IFT81: variants seen among roughly 807,000 people sequenced by gnomAD.
IFT81 encodes intraflagellar transport 81, also known as intraflagellar transport protein 81 homolog.
In IFT81, 72 loss-of-function variants were observed where a neutral mutation model predicts 102.6. The ratio of observed to expected loss-of-function variants is 0.70; its 90% CI spans 0.58 to 0.85. IFT81 has a LOEUF of 0.85. IFT81 is among the 40% of genes least tolerant of loss of function. The probability of loss-of-function intolerance (pLI) is 0.00; values close to 1 mark genes in which losing one functional copy is unlikely to be tolerated. For synonymous variants in IFT81, 237 were observed against 242.7 expected (o/e 0.98, Z 0.22); for missense variants, 723 against 787.3 (o/e 0.92, Z 0.98).
At chr12:110,160,312 C>T (rs956964847) in intron 10 of IFT81, among the ~76,000 whole-genome samples, 3 of 152,162 alleles carry the variant, frequency 2.0e-5, no homozygotes, top group African/African-American at 7.2e-5. Context: ...CCAAAAGCCT[C>T]AAAACCAGGG....
chr12:110,152,057 A>G (rs185741043), intron 10 of IFT81, among the ~76,000 whole-genome samples: 51 of 152,292 alleles, frequency 3.3e-4, no homozygotes, highest in African/African-American at 1.2e-3. Context: ...TCATTCACTG[A>G]TGGATACATG....
intron 10 of IFT81, among the ~76,000 whole-genome samples, chr12:110,158,164 G>T (rs1442659748): frequency 2.0e-5 from 3 of 151,980 alleles, no homozygotes; most frequent in Non-Finnish European, 4.4e-5. Flanking sequence ...TCCACCTCCT[G>T]GGTTCATGCA....
intron 8 of IFT81, among the ~76,000 whole-genome samples, chr12:110,140,920 T>A (rs762943801): frequency 9.3e-5 from 14 of 151,332 alleles, no homozygotes; most frequent in Non-Finnish European, 1.6e-4. Context: ...AGAGACGGGG[T>A]TTCTCCATGT....
chr12:110,216,615 A>G, intron 18 of IFT81: 1 of 450,426 alleles, frequency 2.2e-6, no homozygotes, highest in Non-Finnish European at 4.4e-6. Context: ...GGTTCAAGCA[A>G]TTCTCCTGCC....
At chr12:110,192,888 G>A in intron 14 of IFT81, among the ~76,000 whole-genome samples, 182 bp downstream of exon 14, 1 of 152,180 alleles carries the variant, frequency 6.6e-6, no homozygotes, top group African/African-American at 2.4e-5. Context: ...CAGGCCAGGT[G>A]TGGTGGCTTA....
intron 4 of IFT81, 24 bp downstream of exon 4, chr12:110,129,154 T>C: frequency 6.6e-7 from 1 of 1,516,296 alleles, no homozygotes; most frequent in Non-Finnish European, 8.9e-7. Flanking sequence ...AAATGGTACA[T>C]TGAAACTGTA....
intron 7 of IFT81, among the ~76,000 whole-genome samples, chr12:110,136,310 A>T (rs1894506843): frequency 6.6e-6 from 1 of 152,246 alleles, no homozygotes; most frequent in Admixed American, 6.5e-5. Flanking sequence ...ATTTACTACT[A>T]AATCAGCAGT....
intron 10 of IFT81, 34 bp downstream of exon 10, chr12:110,147,082 C>T: frequency 6.6e-7 from 1 of 1,517,596 alleles, no homozygotes. Flanking sequence ...ATATTTAGAT[C>T]TGTAAGCATA....
At chr12:110,159,583 G>A (rs1313774360) in intron 10 of IFT81, among the ~76,000 whole-genome samples, 1 of 152,148 alleles carries the variant, frequency 6.6e-6, no homozygotes, top group African/African-American at 2.4e-5. Flanking sequence ...GCTTCCAAAA[G>A]GGGAGAATGA....
At chr12:110,160,979 T>C (rs1407649446) in intron 10 of IFT81, among the ~76,000 whole-genome samples, 3 of 152,170 alleles carry the variant, frequency 2.0e-5, no homozygotes, top group East Asian at 3.8e-4. Context: ...TTCTTGTTCC[T>C]GAGTTTAGTG....
At chr12:110,186,697 T>C (rs373546657) in intron 12 of IFT81, among the ~76,000 whole-genome samples, 1 of 151,946 alleles carries the variant, frequency 6.6e-6, no homozygotes, top group African/African-American at 2.4e-5. Context: ...TGTGTGTGTA[T>C]TTTTGGTAGT....
chr12:110,182,108 A>G (rs1660162174), intron 12 of IFT81, among the ~76,000 whole-genome samples: 1 of 152,188 alleles, frequency 6.6e-6, no homozygotes, highest in South Asian at 2.1e-4. Context: ...TCTCTGGAGA[A>G]AGGGGTAACT....
chr12:110,206,675 T>TAA (rs551478493), intron 17 of IFT81, among the ~76,000 whole-genome samples: 12 of 129,024 alleles, frequency 9.3e-5, no homozygotes, highest in Admixed American at 5.5e-4. Flanking sequence ...ACTCTGTCTT[T>TAA]AAAAAAAAAA....
At chr12:110,131,126 A>T (rs1894137009) in intron 4 of IFT81, among the ~76,000 whole-genome samples, 1 of 151,844 alleles carries the variant, frequency 6.6e-6, no homozygotes, top group African/African-American at 2.4e-5. Context: ...TACAAAAGAT[A>T]AAAAAATTAG....
Position 110,205,295 on chromosome 12 carries a change from T to C in IFT81, c.1645-148T>C, listed in dbSNP as rs140108178. ...ATGTGTATTCTCTAGAAAAAGATTA[T>C]CTCTTATTGTGCTAGAATAAACAAA... On this transcript the variant is annotated intron_variant, in intron 15 of 18. Coordinates refer to ENST00000242591, the MANE Select transcript of IFT81 (RefSeq NM_014055.4). 9.0e-5 allele frequency: 70 copies of C among 776,296 alleles called. No homozygotes were observed. The African/African-American group carries it at 1.1e-3, about 12-fold the overall frequency. The allele number at this position is 776,296 out of a possible 1,614,324, so 48.1% of individuals were successfully genotyped here.
intron 10 of IFT81, among the ~76,000 whole-genome samples, chr12:110,148,384 C>A (rs1895340350): frequency 6.6e-6 from 1 of 151,724 alleles, no homozygotes; most frequent in Non-Finnish European, 1.5e-5. Flanking sequence ...TCTGAGCAGC[C>A]ACTTACTATT....
intron 12 of IFT81, among the ~76,000 whole-genome samples, chr12:110,181,418 G>A (rs1897310609): frequency 6.6e-6 from 1 of 152,204 alleles, no homozygotes; most frequent in South Asian, 2.1e-4. Flanking sequence ...ATATTTGGGG[G>A]ATTTTTCTAG....
intron 10 of IFT81, among the ~76,000 whole-genome samples, chr12:110,160,647 G>A (rs892605344): frequency 6.6e-6 from 1 of 152,144 alleles, no homozygotes; most frequent in Non-Finnish European, 1.5e-5. Context: ...CAGAAAAAAT[G>A]CTTTACCAGC....
chr12:110,128,888 G>C (rs547225184), intron 3 of IFT81, 62 bp from the exon 4 acceptor site: 2 of 1,246,702 alleles, frequency 1.6e-6, no homozygotes, highest in Non-Finnish European at 1.1e-6. Flanking sequence ...AGAAAATGCT[G>C]TCTCTCTTCA....
Sources: allele counts gnomAD v4.1 joint callset (sites outside exome capture counted in the v4.1 genomes callset), GRCh38; gene constraint gnomAD v4.1.1; transcripts MANE v1.5; gene names NCBI Gene and HGNC (gene_info 2026-07-23, HGNC 2026-07-21).